The following PIWIL4 variants were observed in gnomAD, a reference collection of about 807,000 sequenced individuals.
PIWIL4 encodes the protein piwi like RNA-mediated gene silencing 4.
Under a neutral mutation model 100.9 loss-of-function variants are expected in PIWIL4, and 50 were observed. That is an observed-to-expected ratio of 0.50 (90% CI 0.39 to 0.63). PIWIL4 has a LOEUF of 0.63. PIWIL4 is among the 20% of genes least tolerant of loss of function. PIWIL4 has a pLI of 0.00. For missense variants in PIWIL4, 887 were observed against 1,043.3 expected, an observed-to-expected ratio of 0.85 and a Z score of 2.06; for synonymous variants, 342 against 367.5, an observed-to-expected ratio of 0.93 and a Z score of 0.79.
chr11:94,585,693 G>A (rs1009126333), intron 6 of PIWIL4, among the ~76,000 whole-genome samples, 168 bp downstream of exon 6: 4 of 152,114 alleles, frequency 2.6e-5, no homozygotes, highest in African/African-American at 7.2e-5. Context: ...TCATGTGAAC[G>A]TGAAGCTAGC....
intron 19 of PIWIL4, 44 bp from the exon 20 acceptor site, chr11:94,620,832 A>G: frequency 7.0e-7 from 1 of 1,434,544 alleles, no homozygotes; most frequent in Non-Finnish European, 9.8e-7. Flanking sequence ...TCTTTGAAGA[A>G]CAAGGTAATC....
At chr11:94,592,240 A>T (rs1948496247) in intron 8 of PIWIL4, among the ~76,000 whole-genome samples, 2 of 152,200 alleles carry the variant, frequency 1.3e-5, no homozygotes, top group Non-Finnish European at 2.9e-5. Context: ...CCTTGGGAAG[A>T]TTGCTTAATG....
At chr11:94,603,141 T>G (rs754391745) in intron 12 of PIWIL4, among the ~76,000 whole-genome samples, 7 of 152,216 alleles carry the variant, frequency 4.6e-5, no homozygotes, top group South Asian at 2.1e-4. Context: ...GGACTGTAAG[T>G]GCAGCAGAGT....
intron 15 of PIWIL4, among the ~76,000 whole-genome samples, chr11:94,610,700 A>G (rs781210947): frequency 3.1e-4 from 47 of 151,996 alleles, no homozygotes; most frequent in Non-Finnish European, 5.9e-4. Flanking sequence ...TGGGTTCTTC[A>G]TATATTTTGG....
intron 10 of PIWIL4, among the ~76,000 whole-genome samples, chr11:94,596,949 G>A (rs1591793521): frequency 3.3e-5 from 5 of 152,276 alleles, no homozygotes; most frequent in Admixed American, 3.3e-4. Flanking sequence ...CTTTAATAGG[G>A]AAACAAAAGC....
intron 15 of PIWIL4, among the ~76,000 whole-genome samples, chr11:94,610,025 A>G (rs1948771003): frequency 6.6e-6 from 1 of 152,186 alleles, no homozygotes; most frequent in South Asian, 2.1e-4. Flanking sequence ...CCTTCAAACA[A>G]CATCAAATAT....
intron 15 of PIWIL4, among the ~76,000 whole-genome samples, chr11:94,614,585 A>G (rs1948825569): frequency 6.6e-6 from 1 of 152,264 alleles, no homozygotes; most frequent in African/African-American, 2.4e-5. Context: ...CTGGGGTTAC[A>G]GGCATGAACC....
intron 1 of PIWIL4, among the ~76,000 whole-genome samples, chr11:94,568,431 A>G (rs1417317313): frequency 6.6e-6 from 1 of 152,140 alleles, no homozygotes; most frequent in Non-Finnish European, 1.5e-5. Context: ...TCTGTGCCGC[A>G]TGCCCTCTGG....
intron 5 of PIWIL4, among the ~76,000 whole-genome samples, chr11:94,585,074 A>G (rs895688618): frequency 1.2e-4 from 19 of 152,200 alleles, no homozygotes; most frequent in Non-Finnish European, 2.6e-4. Context: ...TCAAAAAAAG[A>G]AAAAGAAATA....
rs544740601 is a variant in PIWIL4 at position 94,583,206 on chromosome 11, G to T, written c.514-242G>T. The stretch of plus-strand genomic sequence containing the variant: ...CTTTGGACCAAACTTTGAACCATGA[G>T]TCTGGCTTTAATTCTCCCTTAAGAA... On this transcript the variant is annotated intron_variant, in intron 4 of 19. Transcript: ENST00000299001. 3.3e-5 allele frequency among the ~76,000 whole-genome samples: 5 copies of T among 152,228 alleles called. No homozygotes were observed. In the East Asian group the frequency reaches 5.8e-4, roughly 18 times the overall value.
intron 17 of PIWIL4, among the ~76,000 whole-genome samples, chr11:94,619,437 C>T (rs1324964906): frequency 2.6e-5 from 4 of 152,054 alleles, no homozygotes; most frequent in African/African-American, 7.2e-5. Context: ...CACACACACA[C>T]ATCTTGTCTC....
Position 94,601,936 on chromosome 11 carries a change from A to C in PIWIL4, c.1522A>C (p.Arg508=), listed in dbSNP as rs750743484. 1.9e-6 allele frequency: 3 copies of C among 1,613,498 alleles called. No individual in the cohort carries two copies. The Admixed American group carries it at 5.0e-5, about 27-fold the overall frequency. ...CGAGAGCTTTCTGAACTGCTTGAGA[A>C]GAGTTGCAGGTTCCATGGGATTTAA... ...VAESFLNCLR[R]VAGSMGFNVD... Residue 508 remains arginine, a synonymous_variant, in exon 12 of 20, where the codon AGA becomes CGA. Coordinates refer to ENST00000299001, the MANE Select transcript of PIWIL4 (RefSeq NM_152431.3).
intron 1 of PIWIL4, 88 bp downstream of exon 1, chr11:94,567,693 C>T: frequency 2.2e-6 from 3 of 1,381,584 alleles, no homozygotes; most frequent in East Asian, 2.7e-5. Context: ...TGTATCTCCT[C>T]CTCTCTGTTA....
intron 15 of PIWIL4, among the ~76,000 whole-genome samples, chr11:94,616,259 G>A (rs1948844769): frequency 6.6e-6 from 1 of 152,164 alleles, no homozygotes; most frequent in African/African-American, 2.4e-5. Flanking sequence ...TGAGTATATT[G>A]ACTAGGATTT....
chr11:94,575,072 T>C lies in PIWIL4; in HGVS notation c.240T>C (p.Phe80=), dbSNP rs761715166. ...MERGVKNKQD[F]MDLSICTREK... is the part of the protein sequence containing the mutation. The stretch of plus-strand genomic sequence containing the variant: ...GAGGTGTGAAAAACAAACAGGACTT[T>C]ATGGATTTGAGTATCTGTACCAGAG... Residue 80 remains phenylalanine (F), a synonymous_variant, in exon 3 of 20, where the codon TTT becomes TTC. Coordinates refer to ENST00000299001, the MANE Select transcript of PIWIL4 (RefSeq NM_152431.3). 1 of 1,613,972 alleles carries C rather than the reference T, an allele frequency of 6.2e-7. No individual in the cohort carries two copies. Among genetic ancestry groups the C allele is most frequent in the Non-Finnish European group, 8.5e-7 (1 of 1,179,890 alleles).
intron 4 of PIWIL4, among the ~76,000 whole-genome samples, chr11:94,582,888 C>A (rs2135252436): frequency 6.6e-6 from 1 of 152,218 alleles, no homozygotes; most frequent in East Asian, 1.9e-4. Context: ...TTGTTCTCTG[C>A]TCTTCTACAT....
intron 15 of PIWIL4, among the ~76,000 whole-genome samples, chr11:94,615,787 G>A (rs994184364): frequency 4.6e-5 from 7 of 152,124 alleles, no homozygotes; most frequent in African/African-American, 1.7e-4. Context: ...ATAGGCACGC[G>A]CCACCACATG....
chr11:94,582,295 G>A (rs1346147312), intron 4 of PIWIL4, among the ~76,000 whole-genome samples: 1 of 152,148 alleles, frequency 6.6e-6, no homozygotes, highest in African/African-American at 2.4e-5. Flanking sequence ...CCTTCTGTCT[G>A]CCAGAGTTTT....
At chr11:94,575,269 G>A (rs1233581060) in intron 3 of PIWIL4, 139 bp downstream of exon 3, 1 of 813,490 alleles carries the variant, frequency 1.2e-6, no homozygotes. Context: ...TCAAGGCACT[G>A]TTAGACGCTT....
Sources: gnomAD v4.1 joint callset for allele counts (sites outside exome capture counted in the v4.1 genomes callset) on GRCh38, gnomAD v4.1.1 for gene constraint, MANE v1.5 for transcripts, NCBI Gene and HGNC (gene_info 2026-07-23, HGNC 2026-07-21) for gene names.